ABCB6: variants seen among roughly 807,000 people sequenced by gnomAD.
ABCB6 encodes ATP binding cassette subfamily B member 6 (LAN blood group), also known as ATP-binding cassette sub-family B member 6.
Under a neutral mutation model 99.4 loss-of-function variants are expected in ABCB6, and 87 were observed. The ratio of observed to expected loss-of-function variants is 0.88; its 90% CI spans 0.74 to 1.05. The LOEUF (loss-of-function observed/expected upper bound fraction) is 1.05, where lower values mean the gene tolerates loss of function less well. Ranked by LOEUF, ABCB6 falls within the 50% of genes least tolerant of loss-of-function variation. The probability of loss-of-function intolerance (pLI) is 0.00; values close to 1 mark genes in which losing one functional copy is unlikely to be tolerated. For synonymous variants in ABCB6, 482 were observed against 447.5 expected, an observed-to-expected ratio of 1.08 and a Z score of -0.97; for missense variants, 1,050 against 1,097.9, an observed-to-expected ratio of 0.96 and a Z score of 0.62.
rs1414846657 is a variant in ABCB6 at position 219,213,857 on chromosome 2, C to T, written c.1547G>A (p.Cys516Tyr). 3 of 1,614,036 alleles carry T rather than the reference C, an allele frequency of 1.9e-6. No homozygotes were observed. Among genetic ancestry groups the T allele is most frequent in the South Asian group, 1.1e-5 (1 of 91,090 alleles). The change falls in exon 9 of 19, where the codon TGC becomes TAC. Residue 516 changes from cysteine to tyrosine, a missense_variant. Physicochemically the swap from Cys to Tyr is radical, Grantham distance 194. Coordinates refer to ENST00000265316, the MANE Select transcript of ABCB6 (RefSeq NM_005689.4). Reference sequence around the variant, plus strand: ...CTTCTGCTCAGTGACAAAGTATGCGCAAAGCAGGGAGCCGGCGAGGAGCCC... The same window carrying T: ...CTTCTGCTCAGTGACAAAGTATGCGTAAAGCAGGGAGCCGGCGAGGAGCCC... ...GLGLLAGSLLCAYFVTEQKLQ... is the reference protein window; with the variant it reads ...GLGLLAGSLLYAYFVTEQKLQ...
Position 219,213,938 on chromosome 2 carries a change from T to C in ABCB6, c.1466A>G (p.Lys489Arg). The C allele has an allele frequency of 6.2e-7, 1 of 1,614,046 alleles. No individual in the cohort carries two copies. Among genetic ancestry groups the C allele is most frequent in the Non-Finnish European group, 8.5e-7 (1 of 1,180,014 alleles). ...TAGTAAAACCAGTGAAGCGCTCGAC[T>C]TCCACTCCAAACCCTGAGGGCAATA... Reference protein sequence around the residue: ...AIIKYQGLEWKSSASLVLLNQ... With the variant: ...AIIKYQGLEWRSSASLVLLNQ... Residue 489 changes from lysine (K) to arginine (R), a missense_variant, in exon 9 of 19, where the codon AAG (lysine) becomes AGG (arginine). Coordinates refer to ENST00000265316, the MANE Select transcript of ABCB6 (RefSeq NM_005689.4).
Position 219,218,724 on chromosome 2 carries a change from C to T in ABCB6, c.-51G>A. The T allele has an allele frequency of 6.7e-7, 1 of 1,488,434 alleles. No homozygotes were observed. Among genetic ancestry groups the T allele is most frequent in the Non-Finnish European group, 8.9e-7 (1 of 1,119,050 alleles). The allele number at this position is 1,488,434 out of a possible 1,614,324, so 92.2% of individuals were successfully genotyped here. A position where few individuals can be genotyped will look rare whatever the true frequency, so the allele number is the denominator to read the frequency against. ...CTGCGGGCACTGCGGGACCGGAGGC[C>T]GGGACTGGTCACTCGGAGAGGGGCG... On this transcript the variant is annotated 5_prime_UTR_variant, in exon 1 of 19. Coordinates refer to ENST00000265316, the MANE Select transcript of ABCB6 (RefSeq NM_005689.4).
At chr2:219,212,191 C>T (rs1418479338) in intron 14 of ABCB6, among the ~76,000 whole-genome samples, 196 bp downstream of exon 14, 1 of 152,180 alleles carries the variant, frequency 6.6e-6, no homozygotes, top group Admixed American at 6.5e-5. Flanking sequence ...GCCACTGCGC[C>T]CAGCCCTTTG....
In ABCB6 at chr2:219,218,954, G is replaced by T; in HGVS notation, c.-281C>A. 1 of 404,918 alleles carries T rather than the reference G, an allele frequency of 2.5e-6. No individual in the cohort carries two copies. The highest frequency in any genetic ancestry group is 4.4e-6 in the Non-Finnish European group (1 of 225,864). 25.1% of individuals were successfully genotyped at this position (404,918 alleles called of 1,614,324 possible). A position where few individuals can be genotyped will look rare whatever the true frequency, so the allele number is the denominator to read the frequency against. ...CCCTCCTGCCAACTGCAGGCCCACG[G>T]GAATGCTCGGTGTTGGACTCGCACC... On this transcript the variant is annotated 5_prime_UTR_variant, in exon 1 of 19. Coordinates refer to ENST00000265316, the MANE Select transcript of ABCB6 (RefSeq NM_005689.4).
In ABCB6 at chr2:219,217,643, CA is replaced by C. The variant is rs370883149; in HGVS notation, c.687+26del. ...TGGTGACAGAGCAAGACTCCGTCTCCAAAAAAAAAAAGAAACTGAGGTGTAC... is the reference window on the plus strand; with the variant it reads ...TGGTGACAGAGCAAGACTCCGTCTCCAAAAAAAAAAGAAACTGAGGTGTAC... On this transcript the variant is annotated intron_variant, in intron 2 of 18. Transcript: ENST00000265316. 43,934 of 1,106,758 alleles carry C rather than the reference CA, an allele frequency of 0.04. No homozygotes were observed. The highest frequency in any genetic ancestry group is 0.048 in the East Asian group (1,470 of 30,394). The allele number at this position is 1,106,758 out of a possible 1,614,324, so 68.6% of individuals were successfully genotyped here.
chr2:219,214,301 C>G (rs930923796), intron 7 of ABCB6, 88 bp downstream of exon 7: 2 of 1,470,986 alleles, frequency 1.4e-6, no homozygotes, highest in Non-Finnish European at 1.9e-6. Flanking sequence ...AAACATCACA[C>G]CCCCAGCTCT....
rs1393787488 is a variant in ABCB6, at chr2:219,212,501, T to C, written c.1864-10A>G. On this transcript the variant is annotated splice_polypyrimidine_tract_variant and intron_variant, in intron 13 of 18. Coordinates refer to ENST00000265316, the MANE Select transcript of ABCB6 (RefSeq NM_005689.4). ...CCCCAGATGGGCCCACCTGTTGCAT[T>C]GGAAATGGGAAAAATCTCAGGCCCA... The C allele has an allele frequency of 3.1e-6, 5 of 1,610,714 alleles. No homozygotes were observed. Among genetic ancestry groups the C allele is most frequent in the Non-Finnish European group, 4.2e-6 (5 of 1,178,284 alleles).
intron 12 of ABCB6, 68 bp downstream of exon 12, chr2:219,213,173 G>A: frequency 1.2e-6 from 2 of 1,604,900 alleles, no homozygotes; most frequent in South Asian, 1.1e-5. Context: ...GGGATTCAGA[G>A]CACTGAGAAG....
rs746263302 is a variant in ABCB6 at position 219,216,119 on chromosome 2, C to G, written c.1032G>C (p.Arg344=). 6.3e-7 allele frequency: 1 copy of G among 1,596,188 alleles called. No individual in the cohort carries two copies. Among genetic ancestry groups the G allele is most frequent in the Non-Finnish European group, 8.5e-7 (1 of 1,172,246 alleles). Residue 344 remains arginine, a synonymous_variant, in exon 5 of 19, where the codon CGG becomes CGC. Transcript: ENST00000265316. This position sits in a 1 kb window ranked among gnomAD's most constrained non-coding sequence, Gnocchi z 4.2. ...WIRVQQFTSR[R]VELLIFSHLH... is the part of the protein sequence containing the mutation. The stretch of plus-strand genomic sequence containing the variant: ...GGTGGGAGAAGATGAGCAGCTCCAC[C>G]CGCCGAGACGTGAACTGCTGCACCC...
rs1950639131 is a variant in ABCB6, at chr2:219,216,163, G to A, written c.988C>T (p.Arg330Cys). ...TGSTGFVSNL[R>C]TFLWIRVQQF... ...TGCACCCGGATCCACAGGAAGGTGC[G>A]CAGGTTGCTCACGAAGCCTGCAGGG... The change falls in exon 5 of 19, where the codon CGC becomes TGC. Residue 330 changes from arginine to cysteine, a missense_variant. Physicochemically the swap from Arg to Cys is radical, Grantham distance 180 (BLOSUM62 -3). Coordinates refer to ENST00000265316, the MANE Select transcript of ABCB6 (RefSeq NM_005689.4). This position sits in a 1 kb window ranked among gnomAD's most constrained non-coding sequence, Gnocchi z 4.2. 4 of 1,595,420 alleles carry A rather than the reference G, an allele frequency of 2.5e-6. No individual in the cohort carries two copies. Among genetic ancestry groups the A allele is most frequent in the East Asian group, 2.3e-5 (1 of 44,304 alleles).
At position 219,209,982 on chromosome 2, in the gene ABCB6, C is replaced by T; in HGVS notation, c.2485G>A (p.Glu829Lys). 6.2e-7 allele frequency: 1 copy of T among 1,614,208 alleles called. No homozygotes were observed. Among genetic ancestry groups the T allele is most frequent in the Non-Finnish European group, 8.5e-7 (1 of 1,180,040 alleles). ...ADMWQLQQGQ[E>K]ETSEDTKPQT... is the part of the protein sequence containing the mutation. ...GGCTTAGTGTCTTCAGAGGTTTCTT[C>T]CTGTCCCTGCTGCAGCTGCCACATG... Residue 829 changes from glutamate (E) to lysine (K), a missense_variant, in exon 19 of 19, where the codon GAA (glutamate) becomes AAA (lysine). By Grantham distance (56) the Glu-to-Lys change is moderately conservative (BLOSUM62 1). Transcript: ENST00000265316.
chr2:219,213,934 C>T lies in ABCB6; in HGVS notation c.1470G>A (p.Ser490=), dbSNP rs748256942. ...IIKYQGLEWK[S]SASLVLLNQT... The stretch of plus-strand genomic sequence containing the variant: ...GATTTAGTAAAACCAGTGAAGCGCT[C>T]GACTTCCACTCCAAACCCTGAGGGC... The change falls in exon 9 of 19, where the codon TCG becomes TCA. Residue 490 remains serine (S), a synonymous_variant. Coordinates refer to ENST00000265316, the MANE Select transcript of ABCB6 (RefSeq NM_005689.4). The T allele has an allele frequency of 3.1e-6, 5 of 1,613,946 alleles. No individual in the cohort carries two copies. The highest frequency in any genetic ancestry group is 3.3e-5 in the Admixed American group (2 of 60,026).
rs143511636 is a variant in ABCB6 at position 219,210,251 on chromosome 2, C to A, written c.2399G>T (p.Gly800Val). 1 of 1,614,230 alleles carries A rather than the reference C, an allele frequency of 6.2e-7. No individual in the cohort carries two copies. Among genetic ancestry groups the A allele is most frequent in the Non-Finnish European group, 8.5e-7 (1 of 1,180,046 alleles). ...NADQILVIKDGCIVERGRHEA... is the reference protein window; with the variant it reads ...NADQILVIKDVCIVERGRHEA... ...TTACCGTCCCCTCTCCACGATGCAG[C>A]CATCCTTGATGACGAGGATCTGGTC... is the stretch of plus-strand genomic sequence containing the variant. The change falls in exon 18 of 19, where the codon GGC becomes GTC. Residue 800 changes from glycine (G) to valine (V), a missense_variant. By Grantham distance (109) the Gly-to-Val change is moderately radical. Transcript: ENST00000265316.
rs1392549607 is a variant in ABCB6, at chr2:219,216,952, T to G, written c.688-120A>C. 7 of 847,240 alleles carry G rather than the reference T, an allele frequency of 8.3e-6. No homozygotes were observed. Among genetic ancestry groups the G allele is most frequent in the Non-Finnish European group, 1.2e-5 (7 of 566,246 alleles). 52.5% of individuals were successfully genotyped at this position (847,240 alleles called of 1,614,324 possible). Reference sequence around the variant, plus strand: ...CCAGGTATCTCAGACCCACAAGTGATCCTTGATGGGGTCAGAAAAACTAAG... The same window carrying G: ...CCAGGTATCTCAGACCCACAAGTGAGCCTTGATGGGGTCAGAAAAACTAAG... On this transcript the variant is annotated intron_variant, in intron 2 of 18. Coordinates refer to ENST00000265316, the MANE Select transcript of ABCB6 (RefSeq NM_005689.4). The surrounding 1 kb of genome is among the most constrained non-coding windows in gnomAD (Gnocchi z 4.2).
At chr2:219,211,512 C>T (rs1950578545) in intron 14 of ABCB6, among the ~76,000 whole-genome samples, 1 of 151,906 alleles carries the variant, frequency 6.6e-6, no homozygotes, top group Admixed American at 6.5e-5. Flanking sequence ...GTATGTTGCC[C>T]AGGCTGGTCT....
chr2:219,215,206 C>T (rs1950624482), intron 5 of ABCB6, 124 bp from the exon 6 acceptor site: 1 of 1,277,130 alleles, frequency 7.8e-7, no homozygotes, highest in African/African-American at 1.5e-5. Flanking sequence ...TTAATTAATT[C>T]TACCCTCAAG....
chr2:219,216,462 T>G lies in ABCB6; in HGVS notation c.872A>C (p.Asn291Thr), dbSNP rs753038712. 1.9e-6 allele frequency: 3 copies of G among 1,613,896 alleles called. No individual in the cohort carries two copies. Among genetic ancestry groups the G allele is most frequent in the East Asian group, 4.5e-5 (2 of 44,870 alleles). ...LVPIFYRNIV[N>T]LLTEKAPWNS... ...CCAAGGTGCCTTCTCAGTCAGCAAGTTCACTGTGGAGGAAACGAGTCAGAA... is the reference window on the plus strand; with the variant it reads ...CCAAGGTGCCTTCTCAGTCAGCAAGGTCACTGTGGAGGAAACGAGTCAGAA... Residue 291 changes from asparagine to threonine, a missense_variant, in exon 4 of 19, where the codon AAC (asparagine) becomes ACC (threonine). By Grantham distance (65) the Asn-to-Thr change is moderately conservative. Coordinates refer to ENST00000265316, the MANE Select transcript of ABCB6 (RefSeq NM_005689.4). The surrounding 1 kb of genome is among the most constrained non-coding windows in gnomAD (Gnocchi z 4.2).
chr2:219,215,068 T>C lies in ABCB6; in HGVS notation c.1169A>G (p.Asn390Ser). The change falls in exon 6 of 19, where the codon AAT becomes AGT. Residue 390 changes from asparagine (N) to serine (S), a missense_variant. Asn to Ser is a conservative substitution (Grantham distance 46). Transcript: ENST00000265316. ...VTGLLSYLVF[N>S]VIPTLADIII... is the part of the protein sequence containing the mutation. ...GATGTCGGCCAGCGTGGGGATGACA[T>C]TGAACACCAGGTAGCTAGGAGGGCA... 1.9e-6 allele frequency: 3 copies of C among 1,614,102 alleles called. No homozygotes were observed. Among genetic ancestry groups the C allele is most frequent in the Non-Finnish European group, 1.7e-6 (2 of 1,180,000 alleles).
intron 12 of ABCB6, 57 bp from the exon 13 acceptor site, chr2:219,213,122 A>G: frequency 6.2e-7 from 1 of 1,606,822 alleles, no homozygotes; most frequent in South Asian, 1.1e-5. Context: ...AGCTGCTAGT[A>G]GGCCCTGCCC....
Sources: gnomAD v4.1 joint callset for allele counts (sites outside exome capture counted in the v4.1 genomes callset) on GRCh38, gnomAD v4.1.1 for gene constraint, Gnocchi (gnomAD v3.1) non-coding constraint, MANE v1.5 for transcripts, NCBI Gene and HGNC (gene_info 2026-07-23, HGNC 2026-07-21) for gene names.